RGS5: variants seen among roughly 807,000 people sequenced by gnomAD.
RGS5 encodes regulator of G protein signaling 5, also known as regulator of G-protein signalling 5.
In RGS5, 20 loss-of-function variants were observed where a neutral mutation model predicts 18.9. That is an observed-to-expected ratio of 1.06 (90% CI 0.74 to 1.54). The LOEUF (loss-of-function observed/expected upper bound fraction) is 1.54. Among genes scored for constraint, RGS5 ranks in the 40% most tolerant of loss-of-function variants. The pLI is 0.00. For missense variants in RGS5, 201 were observed against 211.8 expected (o/e 0.95, Z 0.32); for synonymous variants, 57 against 76.2 (o/e 0.75, Z 1.31).
At chr1:163,275,725 A>T (rs1648835818) in intron 2 of RGS5, among the ~76,000 whole-genome samples, 1 of 152,204 alleles carries the variant, frequency 6.6e-6, no homozygotes, top group Non-Finnish European at 1.5e-5. Flanking sequence ...ATCTCCCTAC[A>T]TCATGGCAGA....
At chr1:163,161,619 A>G in intron 3 of RGS5, 2 of 279,486 alleles carry the variant, frequency 7.2e-6, no homozygotes, top group Non-Finnish European at 1.4e-5. Flanking sequence ...GAGAATGTTG[A>G]GGAGGTCAAG....
chr1:163,156,754 T>C (rs1657595125), intron 3 of RGS5, among the ~76,000 whole-genome samples: 1 of 152,178 alleles, frequency 6.6e-6, no homozygotes, highest in Non-Finnish European at 1.5e-5. Context: ...TGTTATAGCA[T>C]TTTATTTCAT....
intron 2 of RGS5, among the ~76,000 whole-genome samples, chr1:163,265,024 T>C (rs950652489): frequency 6.6e-5 from 10 of 152,080 alleles, no homozygotes; most frequent in African/African-American, 2.2e-4. Flanking sequence ...ATTACATACT[T>C]GTGTATATTA....
chr1:163,308,693 T>C (rs1481327826), intron 1 of RGS5: 1 of 152,174 alleles, frequency 6.6e-6, no homozygotes, highest in Non-Finnish European at 1.5e-5. Context: ...TATTGCAATT[T>C]AATTGAGATA....
upstream of RGS5, chr1:163,206,929 T>G (rs1465648536): frequency 6.6e-6 from 1 of 152,236 alleles, no homozygotes; most frequent in Admixed American, 6.5e-5. Flanking sequence ...TTTATATAAA[T>G]ATAATCTGCA....
chr1:163,205,364 A>AT (rs1257969323), upstream of RGS5, among the ~76,000 whole-genome samples: 1 of 151,360 alleles, frequency 6.6e-6, no homozygotes, highest in Non-Finnish European at 1.5e-5. Flanking sequence ...AAAAAAAAAA[A>AT]AAAAAGGAGA....
chr1:163,165,478 G>A (rs144903875), intron 2 of RGS5, among the ~76,000 whole-genome samples: 21 of 152,318 alleles, frequency 1.4e-4, no homozygotes, highest in Admixed American at 1.1e-3. Flanking sequence ...GTTGTCTATT[G>A]TTTCTCAGGA....
intron 2 of RGS5, among the ~76,000 whole-genome samples, chr1:163,265,137 G>A (rs1193780591): frequency 1.3e-5 from 2 of 152,046 alleles, no homozygotes; most frequent in Non-Finnish European, 2.9e-5. Flanking sequence ...GTCTCACAAA[G>A]GTTAGTCCAT....
At chr1:163,307,662 G>A (rs1027709444) in intron 1 of RGS5, among the ~76,000 whole-genome samples, 3 of 151,972 alleles carry the variant, frequency 2.0e-5, no homozygotes, top group Admixed American at 1.3e-4. Flanking sequence ...GATTGGTTCA[G>A]TGATGAGATC....
chr1:163,282,636 G>A (rs1199354538), intron 2 of RGS5, among the ~76,000 whole-genome samples: 1 of 152,114 alleles, frequency 6.6e-6, no homozygotes, highest in Non-Finnish European at 1.5e-5. Context: ...CTTGAGCCCA[G>A]GAGTTCAAAG....
At chr1:163,258,529 C>G (rs1042749251) in intron 2 of RGS5, among the ~76,000 whole-genome samples, 1 of 152,226 alleles carries the variant, frequency 6.6e-6, no homozygotes, top group African/African-American at 2.4e-5. Context: ...TTTCTCTCCA[C>G]TGAAGCTTCC....
intron 1 of RGS5, among the ~76,000 whole-genome samples, chr1:163,196,747 T>A (rs1004821434): frequency 7.2e-5 from 11 of 152,130 alleles, no homozygotes; most frequent in African/African-American, 2.7e-4. Flanking sequence ...CACTTTTCTT[T>A]TTCTCCTAAT....
At chr1:163,301,104 C>T (rs1649539770) in intron 2 of RGS5, among the ~76,000 whole-genome samples, 1 of 152,044 alleles carries the variant, frequency 6.6e-6, no homozygotes, top group South Asian at 2.1e-4. Flanking sequence ...AAGAAAAATG[C>T]CAAAATAGGG....
At chr1:163,177,554 A>T (rs1300247505) in intron 1 of RGS5, among the ~76,000 whole-genome samples, 1 of 151,976 alleles carries the variant, frequency 6.6e-6, no homozygotes, top group Non-Finnish European at 1.5e-5. Flanking sequence ...CCTGGGGGAG[A>T]AACACACTTT....
intron 2 of RGS5, among the ~76,000 whole-genome samples, chr1:163,224,656 C>T (rs1302713737): frequency 6.6e-6 from 1 of 152,148 alleles, no homozygotes; most frequent in African/African-American, 2.4e-5. Context: ...TTACATTTCA[C>T]CAACATTGTA....
intron 2 of RGS5, among the ~76,000 whole-genome samples, chr1:163,168,024 CAG>C (rs919722608): frequency 6.6e-6 from 1 of 151,828 alleles, no homozygotes; most frequent in Non-Finnish European, 1.5e-5. Context: ...AAAAATAAGG[CAG>C]AGTCTTATCT....
chr1:163,311,202 T>C (rs1026297312), intron 1 of RGS5, among the ~76,000 whole-genome samples: 47 of 152,228 alleles, frequency 3.1e-4, no homozygotes, highest in African/African-American at 1.1e-3. Context: ...CTTCCTCCTG[T>C]CTGTCAGCCT....
intron 1 of RGS5, among the ~76,000 whole-genome samples, chr1:163,184,958 T>C (rs1461108100): frequency 6.6e-6 from 1 of 152,242 alleles, no homozygotes; most frequent in African/African-American, 2.4e-5. Flanking sequence ...ACTTAGCTTT[T>C]GTTTTTTAAA....
At chr1:163,207,108 T>C (rs1327921928), upstream of RGS5, among the ~76,000 whole-genome samples, 1 of 152,170 alleles carries the variant, frequency 6.6e-6, no homozygotes, top group African/African-American at 2.4e-5. Context: ...TTTTTGCTAT[T>C]TCAAAGAGAA....
Sources: allele counts gnomAD v4.1 joint callset (sites outside exome capture counted in the v4.1 genomes callset), GRCh38; gene constraint gnomAD v4.1.1; transcripts MANE v1.5; gene names NCBI Gene and HGNC (gene_info 2026-07-23, HGNC 2026-07-21).